TRAK2: variants seen among roughly 807,000 people sequenced by gnomAD.
TRAK2 encodes trafficking kinesin protein 2.
TRAK2 carries 81 observed loss-of-function variants against 104.6 expected under a neutral mutation model. The ratio of observed to expected loss-of-function variants is 0.77; its 90% confidence interval spans 0.65 to 0.93. TRAK2 has a LOEUF of 0.93. Ranked by LOEUF, TRAK2 falls within the 40% of genes least tolerant of loss-of-function variation. The pLI is 0.00. For synonymous variants in TRAK2, 406 were observed against 394.4 expected (o/e 1.03, Z -0.35); for missense variants, 1,002 against 1,089.0 (o/e 0.92, Z 1.12).
At chr2:201,410,586 A>G (rs143543299) in intron 2 of TRAK2, 45,211 of 1,252,022 alleles carry the variant, frequency 0.036, 2,380 homozygotes, top group South Asian at 0.2. Context: ...CTGAACTGCT[A>G]TTGGTCATAG....
At chr2:201,436,210 A>G (rs993149609) in intron 1 of TRAK2, among the ~76,000 whole-genome samples, 2 of 152,184 alleles carry the variant, frequency 1.3e-5, no homozygotes. Context: ...GGCATCATAG[A>G]ATTCATGGAT....
Position 201,398,152 on chromosome 2 carries a change from C to T in TRAK2, c.683G>A (p.Arg228Gln), listed in dbSNP as rs781212214. The T allele has an allele frequency of 6.2e-6, 10 of 1,613,150 alleles. No homozygotes were observed. Among genetic ancestry groups the T allele is most frequent in the Non-Finnish European group, 7.6e-6 (9 of 1,179,384 alleles). Residue 228 changes from arginine (R) to glutamine (Q), a missense_variant, in exon 6 of 16, where the codon CGA (arginine) becomes CAA (glutamine). Transcript: ENST00000332624. ...KELEEENMAL[R>Q]SKACHIKTET... ...CAATTAGGTTGAACGTACCTTGGAT[C>T]GAAGAGCCATATTCTCTTCTTCCAG...
chr2:201,413,261 T>C (rs1167113426), intron 2 of TRAK2: 9 of 1,335,190 alleles, frequency 6.7e-6, no homozygotes, highest in Non-Finnish European at 9.7e-6. Context: ...TGACATCAGC[T>C]GTTACTTCTG....
chr2:201,449,476 G>T (rs78982599), intron 1 of TRAK2, among the ~76,000 whole-genome samples: 3 of 124,986 alleles, frequency 2.4e-5, no homozygotes, highest in Non-Finnish European at 3.2e-5. Flanking sequence ...CTAAAATGTT[G>T]GTTCTTTTTT....
rs1951314780 is a variant in TRAK2 at position 201,379,148 on chromosome 2, C to G, written c.*1395G>C. On this transcript the variant is annotated 3_prime_UTR_variant, in exon 16 of 16. Coordinates refer to ENST00000332624, the MANE Select transcript of TRAK2 (RefSeq NM_015049.3). The stretch of plus-strand genomic sequence containing the variant: ...AAGACATTTCTTTCTGAACTGCGTG[C>G]TGTCTAGACAAAGCCACGTCATCTG... 6.6e-6 allele frequency: 1 copy of G among 152,162 alleles called. No homozygotes were observed. Among genetic ancestry groups the G allele is most frequent in the South Asian group, 2.1e-4 (1 of 4,824 alleles). 9.4% of individuals were successfully genotyped at this position (152,162 alleles called of 1,614,324 possible). A position where few individuals can be genotyped will look rare whatever the true frequency, so the allele number is the denominator to read the frequency against.
chr2:201,419,418 T>A (rs1364114398), intron 2 of TRAK2: 1 of 154,838 alleles, frequency 6.5e-6, no homozygotes, highest in Non-Finnish European at 1.5e-5. Context: ...CTGATACTTA[T>A]CACAAGTGGA....
intron 1 of TRAK2, among the ~76,000 whole-genome samples, chr2:201,435,079 C>A (rs1161433158): frequency 6.6e-6 from 1 of 152,114 alleles, no homozygotes; most frequent in East Asian, 1.9e-4. Flanking sequence ...TAATTTGAGA[C>A]AGGGTCTTAC....
chr2:201,432,845 A>T (rs1404869708), intron 1 of TRAK2, among the ~76,000 whole-genome samples: 2 of 152,216 alleles, frequency 1.3e-5, no homozygotes, highest in African/African-American at 2.4e-5. Flanking sequence ...TACACTGGAA[A>T]TATATTCAAA....
intron 1 of TRAK2, among the ~76,000 whole-genome samples, chr2:201,430,909 C>T (rs567935914): frequency 3.9e-5 from 6 of 152,352 alleles, no homozygotes; most frequent in South Asian, 2.1e-4. Flanking sequence ...GCGTCACTCA[C>T]GCTGGAAGCT....
chr2:201,449,945 G>A (rs1244835897), intron 1 of TRAK2, among the ~76,000 whole-genome samples: 1 of 151,906 alleles, frequency 6.6e-6, no homozygotes, highest in African/African-American at 2.4e-5. Context: ...TGTCCTCCTT[G>A]GCCTCCCAAA....
intron 2 of TRAK2, chr2:201,411,994 A>T (rs1251074238): frequency 2.1e-6 from 2 of 971,414 alleles, no homozygotes; most frequent in Admixed American, 1.7e-5. Flanking sequence ...TCTTTATCTC[A>T]TTGGGAGGGG....
chr2:201,385,094 T>C (rs563445266), intron 14 of TRAK2, among the ~76,000 whole-genome samples: 5 of 152,312 alleles, frequency 3.3e-5, no homozygotes, highest in Non-Finnish European at 7.4e-5. Flanking sequence ...CAAGAAAAAG[T>C]GAGTTTTGGA....
At chr2:201,402,070 G>A (rs571456086) in intron 3 of TRAK2, among the ~76,000 whole-genome samples, 1 of 152,092 alleles carries the variant, frequency 6.6e-6, no homozygotes, top group South Asian at 2.1e-4. Context: ...AAATATGGAG[G>A]TGATAACACA....
intron 1 of TRAK2, among the ~76,000 whole-genome samples, chr2:201,444,847 G>A (rs1316591638): frequency 6.6e-6 from 1 of 151,922 alleles, no homozygotes; most frequent in Admixed American, 6.6e-5. Flanking sequence ...AATAATTGGT[G>A]TTGAAATGAA....
intron 14 of TRAK2, 92 bp downstream of exon 14, chr2:201,386,126 A>G: frequency 7.2e-7 from 1 of 1,382,462 alleles, no homozygotes; most frequent in Non-Finnish European, 1.0e-6. Context: ...AGTACCCTCC[A>G]GTGAGCAGAG....
chr2:201,412,652 T>C, intron 2 of TRAK2: 1 of 1,564,406 alleles, frequency 6.4e-7, no homozygotes, highest in Non-Finnish European at 8.8e-7. Context: ...GAAGGTAAAT[T>C]TGGGTCCCAT....
intron 2 of TRAK2, among the ~76,000 whole-genome samples, chr2:201,413,699 G>A (rs1298901927): frequency 4.6e-5 from 7 of 151,718 alleles, no homozygotes; most frequent in South Asian, 4.2e-4. Context: ...GTAACTTGCC[G>A]AGGACACTAG....
chr2:201,428,661 G>A lies in TRAK2; in HGVS notation c.-199-7955C>T, dbSNP rs539985864. ...TGTCTTGGCAATGCAGGCTCTTTTT[G>A]GTTACATATGAACTTTAAAGTAGTT... is the stretch of plus-strand genomic sequence containing the variant. On this transcript the variant is annotated intron_variant, in intron 1 of 15. Coordinates refer to ENST00000332624, the MANE Select transcript of TRAK2 (RefSeq NM_015049.3). 1.4e-3 allele frequency among the ~76,000 whole-genome samples: 217 copies of A among 152,188 alleles called. 1 individual carries two copies. Among genetic ancestry groups the A allele is most frequent in the Non-Finnish European group, 1.4e-3 (92 of 68,002 alleles).
chr2:201,444,133 A>G (rs1951946871), intron 1 of TRAK2, among the ~76,000 whole-genome samples: 1 of 152,038 alleles, frequency 6.6e-6, no homozygotes, highest in African/African-American at 2.4e-5. Context: ...CCCGGGAAGC[A>G]GAGGTTGCAG....
Sources: gnomAD v4.1 joint callset for allele counts (sites outside exome capture counted in the v4.1 genomes callset) on GRCh38, gnomAD v4.1.1 for gene constraint, MANE v1.5 for transcripts, NCBI Gene and HGNC (gene_info 2026-07-23, HGNC 2026-07-21) for gene names.